Variants in AGBL4 observed in about 807,000 individuals in gnomAD.
AGBL4 encodes the protein cytosolic carboxypeptidase 6.
A neutral mutation model predicts 66.4 loss-of-function variants in AGBL4; 58 were observed. The observed-to-expected ratio is 0.87, with a 90% confidence interval of 0.71 to 1.09. The LOEUF (loss-of-function observed/expected upper bound fraction) is 1.09. Ranked by LOEUF, AGBL4 falls within the 50% of genes least tolerant of loss-of-function variation. AGBL4 has a pLI of 0.00. For synonymous variants in AGBL4, 234 were observed against 222.9 expected (o/e 1.05, Z -0.44); for missense variants, 579 against 631.0 (o/e 0.92, Z 0.88).
intron 6 of AGBL4, among the ~76,000 whole-genome samples, chr1:48,717,928 G>T (rs1349757072): frequency 6.6e-6 from 1 of 152,288 alleles, no homozygotes; most frequent in Non-Finnish European, 1.5e-5. Context: ...CTCTTGATAT[G>T]ATTAAATGTA....
intron 2 of AGBL4, among the ~76,000 whole-genome samples, chr1:49,714,400 T>G (rs1647916548): frequency 6.6e-6 from 1 of 151,896 alleles, no homozygotes; most frequent in Admixed American, 6.6e-5. Context: ...TCCTATACAT[T>G]GGAGAATGTC....
chr1:49,890,907 G>A (rs1648579737), intron 1 of AGBL4, among the ~76,000 whole-genome samples: 1 of 152,102 alleles, frequency 6.6e-6, no homozygotes, highest in South Asian at 2.1e-4. Context: ...TAAATTTGGG[G>A]TTCATCTGGC....
intron 6 of AGBL4, among the ~76,000 whole-genome samples, chr1:48,845,475 C>G (rs77569206): frequency 0.022 from 3,355 of 152,306 alleles, 46 homozygotes; most frequent in Middle Eastern, 0.061. Flanking sequence ...GCTCACCACA[C>G]TGGAAGATTT....
chr1:49,359,653 G>T (rs953936598), intron 3 of AGBL4, among the ~76,000 whole-genome samples: 1 of 152,148 alleles, frequency 6.6e-6, no homozygotes. Flanking sequence ...GGAGAACACT[G>T]TAGGCAAAAG....
chr1:48,802,912 G>T (rs927662519), intron 6 of AGBL4, among the ~76,000 whole-genome samples: 1 of 152,122 alleles, frequency 6.6e-6, no homozygotes, highest in Non-Finnish European at 1.5e-5. Context: ...TAGACCTCTG[G>T]TTCCAACCCT....
intron 3 of AGBL4, among the ~76,000 whole-genome samples, chr1:49,438,405 TA>T (rs767975105): frequency 5.9e-5 from 9 of 152,222 alleles, no homozygotes. Flanking sequence ...GGGAAATGTT[TA>T]GCAGGAATTT....
At chr1:49,764,905 A>T (rs184813978) in intron 2 of AGBL4, among the ~76,000 whole-genome samples, 2 of 152,250 alleles carry the variant, frequency 1.3e-5, no homozygotes, top group East Asian at 3.9e-4. Context: ...TACGTATCTG[A>T]ACTAGGAGTC....
intron 5 of AGBL4, among the ~76,000 whole-genome samples, chr1:48,939,137 C>T (rs1315001011): frequency 6.6e-6 from 1 of 152,180 alleles, no homozygotes; most frequent in Non-Finnish European, 1.5e-5. Flanking sequence ...TGTCTTTTCC[C>T]CATTGGACCC....
intron 2 of AGBL4, among the ~76,000 whole-genome samples, chr1:49,792,344 A>G (rs1644621784): frequency 1.3e-5 from 2 of 152,086 alleles, no homozygotes; most frequent in Admixed American, 1.3e-4. Flanking sequence ...CAAGATTAAC[A>G]GTCCACAACT....
intron 6 of AGBL4, among the ~76,000 whole-genome samples, chr1:48,780,627 A>G (rs553180070): frequency 1.3e-5 from 2 of 152,170 alleles, no homozygotes; most frequent in Non-Finnish European, 2.9e-5. Flanking sequence ...AATGCCACAC[A>G]TCTACAACCA....
chr1:49,144,793 C>T (rs1313508037), intron 4 of AGBL4, among the ~76,000 whole-genome samples: 1 of 152,130 alleles, frequency 6.6e-6, no homozygotes, highest in Non-Finnish European at 1.5e-5. Flanking sequence ...GAGAGGAAGA[C>T]ACGTAGTTAG....
At chr1:49,302,595 ATTTTATTTTATTT>A (rs1257021559) in intron 3 of AGBL4, among the ~76,000 whole-genome samples, 2 of 118,200 alleles carry the variant, frequency 1.7e-5, no homozygotes, top group Non-Finnish European at 3.8e-5. Flanking sequence ...TTTATTTTAT[ATTTTATTTTATTT>A]TTTTATTTTA....
chr1:48,980,805 C>G (rs1659711270), intron 5 of AGBL4, among the ~76,000 whole-genome samples: 3 of 136,216 alleles, frequency 2.2e-5, no homozygotes, highest in Non-Finnish European at 4.6e-5. Context: ...TGAAGTCCAC[C>G]TGCTTCAACT....
At chr1:49,114,634 C>A (rs1420645064) in intron 4 of AGBL4, among the ~76,000 whole-genome samples, 2 of 152,158 alleles carry the variant, frequency 1.3e-5, no homozygotes, top group Non-Finnish European at 2.9e-5. Flanking sequence ...TTAATAATTT[C>A]TAGCTTTTGA....
At chr1:49,071,356 T>G (rs1644600481) in intron 4 of AGBL4, among the ~76,000 whole-genome samples, 1 of 151,994 alleles carries the variant, frequency 6.6e-6, no homozygotes, top group African/African-American at 2.4e-5. Flanking sequence ...TTTTAGATCT[T>G]TCCTGCTTTC....
intron 6 of AGBL4, among the ~76,000 whole-genome samples, chr1:48,821,379 G>A (rs1397283436): frequency 6.6e-6 from 1 of 152,182 alleles, no homozygotes; most frequent in East Asian, 1.9e-4. Context: ...TAAAGAAAAT[G>A]TGGTATATAT....
intron 5 of AGBL4, among the ~76,000 whole-genome samples, chr1:48,967,711 T>C (rs568982967): frequency 6.6e-6 from 1 of 152,098 alleles, no homozygotes; most frequent in East Asian, 1.9e-4. Context: ...AAAGGCAGGA[T>C]AGACAGAAGA....
intron 2 of AGBL4, among the ~76,000 whole-genome samples, chr1:49,766,245 T>A (rs1466392957): frequency 6.6e-6 from 1 of 152,088 alleles, no homozygotes; most frequent in Non-Finnish European, 1.5e-5. Context: ...GGACATCTCA[T>A]CAGAAACCTT....
chr1:49,066,033 A>T (rs1644485987), intron 4 of AGBL4, among the ~76,000 whole-genome samples: 1 of 152,164 alleles, frequency 6.6e-6, no homozygotes, highest in African/African-American at 2.4e-5. Flanking sequence ...CTGACAAGTT[A>T]TTGCTGTAAG....
Sources: allele counts gnomAD v4.1 joint callset (sites outside exome capture counted in the v4.1 genomes callset), GRCh38; gene constraint gnomAD v4.1.1; transcripts MANE v1.5; gene names NCBI Gene and HGNC (gene_info 2026-07-23, HGNC 2026-07-21).